HNMT: variants seen among roughly 807,000 people sequenced by gnomAD.
HNMT encodes the protein histamine N-methyltransferase.
A neutral mutation model predicts 32.1 loss-of-function variants in HNMT; 30 were observed. That is an observed-to-expected ratio of 0.93 (90% CI 0.70 to 1.27). The LOEUF is 1.27. HNMT is among the 50% of genes most tolerant of loss of function. The probability of loss-of-function intolerance (pLI) is 0.00; values close to 1 mark genes in which losing one functional copy is unlikely to be tolerated. For missense variants in HNMT, 327 were observed against 346.0 expected (o/e 0.95, Z 0.43); for synonymous variants, 125 against 119.0 (o/e 1.05, Z -0.33).
intron 2 of HNMT, chr2:137,981,339 T>A: frequency 6.2e-7 from 1 of 1,613,368 alleles, no homozygotes; most frequent in South Asian, 1.1e-5. Context: ...GAGTTGCCAT[T>A]TGGAGCTGCC....
intron 2 of HNMT, among the ~76,000 whole-genome samples, chr2:137,995,063 C>G (rs1041861035): frequency 6.6e-6 from 1 of 152,084 alleles, no homozygotes; most frequent in Non-Finnish European, 1.5e-5. Flanking sequence ...CATCAGAAAG[C>G]CTGAAGATCT....
intron 2 of HNMT, among the ~76,000 whole-genome samples, chr2:137,997,339 C>T (rs951771920): frequency 4.0e-4 from 61 of 151,476 alleles, no homozygotes; most frequent in Admixed American, 3.8e-3. Context: ...AAAAAAAAGC[C>T]ACCCCATCAA....
intron 2 of HNMT, among the ~76,000 whole-genome samples, chr2:137,996,551 C>T (rs1397594267): frequency 3.3e-5 from 5 of 152,090 alleles, no homozygotes; most frequent in Non-Finnish European, 5.9e-5. Context: ...AACATTCCAT[C>T]CTCATGGATA....
At chr2:137,969,483 C>G (rs1267516873) in intron 1 of HNMT, among the ~76,000 whole-genome samples, 1 of 152,128 alleles carries the variant, frequency 6.6e-6, no homozygotes, top group Non-Finnish European at 1.5e-5. Flanking sequence ...TCTCAGCTTC[C>G]TTTTTGGCAT....
In HNMT at chr2:137,999,799, A is replaced by G. The variant is rs144492840; in HGVS notation, c.191-1119A>G. Among the ~76,000 whole-genome samples, 16 of 152,296 alleles carry G rather than the reference A, an allele frequency of 1.1e-4. No homozygotes were observed. The East Asian group carries it at 2.9e-3, about 28-fold the overall frequency. ...ATGTACTCAAGATAACAATAAAAAT[A>G]ATGAACAGCTAACATTTATTCACTG... On this transcript the variant is annotated intron_variant, in intron 2 of 5. Coordinates refer to ENST00000280097, the MANE Select transcript of HNMT (RefSeq NM_006895.3).
chr2:138,008,523 C>A (rs2604466), intron 5 of HNMT, among the ~76,000 whole-genome samples: 1 of 151,488 alleles, frequency 6.6e-6, no homozygotes, highest in African/African-American at 2.4e-5. Context: ...GTTTCCAAAC[C>A]ATACTATAGG....
chr2:137,987,167 C>T (rs1164440443), intron 2 of HNMT, among the ~76,000 whole-genome samples: 1 of 152,064 alleles, frequency 6.6e-6, no homozygotes, highest in Non-Finnish European at 1.5e-5. Flanking sequence ...ACCCAAACAG[C>T]TGTTGGTGTG....
At position 137,990,231 on chromosome 2, in the gene HNMT, T is replaced by C. The variant is rs551357194; in HGVS notation, c.191-10687T>C. Among the ~76,000 whole-genome samples, 38 of 152,320 alleles carry C rather than the reference T, an allele frequency of 2.5e-4. No homozygotes were observed. In the East Asian group the frequency reaches 6.7e-3, roughly 27 times the overall value. ...TTACAGTTTTATGTTTTACACATAG[T>C]TCTATGATTCATTTTGAGTTAATTT... On this transcript the variant is annotated intron_variant, in intron 2 of 5. Coordinates refer to ENST00000280097, the MANE Select transcript of HNMT (RefSeq NM_006895.3).
chr2:137,990,499 G>T (rs1680785796), intron 2 of HNMT, among the ~76,000 whole-genome samples: 1 of 152,064 alleles, frequency 6.6e-6, no homozygotes, highest in African/African-American at 2.4e-5. Flanking sequence ...TTTATAGTAA[G>T]TCTTGAAGTC....
At chr2:138,003,084 TGG>T (rs35706330) in intron 4 of HNMT, among the ~76,000 whole-genome samples, 21,914 of 90,860 alleles carry the variant, frequency 0.24, 2,651 homozygotes, top group Admixed American at 0.39. Context: ...GGGTCTGTTG[TGG>T]GGTGGGGGGA....
At chr2:137,971,817 C>T (rs1680145378) in intron 2 of HNMT, among the ~76,000 whole-genome samples, 1 of 151,774 alleles carries the variant, frequency 6.6e-6, no homozygotes, top group African/African-American at 2.4e-5. Context: ...ATTTTTAAGT[C>T]ATCTGGAAGT....
At position 138,014,297 on chromosome 2, in the gene HNMT, A is replaced by G. The variant is rs759752933; in HGVS notation, c.*167A>G. The G allele has an allele frequency of 1.7e-5, 10 of 580,728 alleles. No homozygotes were observed. The highest frequency in any genetic ancestry group is 2.7e-5 in the Non-Finnish European group (9 of 329,906). 36.0% of individuals were successfully genotyped at this position (580,728 alleles called of 1,614,324 possible). A position where few individuals can be genotyped will look rare whatever the true frequency, so the allele number is the denominator to read the frequency against. ...TTATTGGACTTCCATTTGGAATCAT[A>G]TGGGATACTGCTGGTCTTATCCTGT... is the stretch of plus-strand genomic sequence containing the variant. On this transcript the variant is annotated 3_prime_UTR_variant, in exon 6 of 6. Transcript: ENST00000280097.
intron 2 of HNMT, among the ~76,000 whole-genome samples, chr2:137,995,219 A>G (rs530576294): frequency 3.9e-5 from 6 of 152,236 alleles, no homozygotes; most frequent in Admixed American, 1.3e-4. Flanking sequence ...AAAAAAATCA[A>G]TGAGTCCAGG....
chr2:137,970,702 C>T (rs1490368875), intron 2 of HNMT, among the ~76,000 whole-genome samples: 2 of 151,930 alleles, frequency 1.3e-5, no homozygotes, highest in Admixed American at 6.6e-5. Context: ...GGGCGGATCA[C>T]GAGGTCAGGA....
intron 5 of HNMT, among the ~76,000 whole-genome samples, chr2:138,007,950 G>T (rs907855957): frequency 6.6e-6 from 1 of 151,796 alleles, no homozygotes; most frequent in Non-Finnish European, 1.5e-5. Flanking sequence ...TCTTAGTTCA[G>T]TGCTAAGATG....
rs534142508 is a variant in HNMT at position 137,998,164 on chromosome 2, T to C, written c.191-2754T>C. Among the ~76,000 whole-genome samples, 18 of 152,222 alleles carry C rather than the reference T, an allele frequency of 1.2e-4. 1 individual carries two copies. In the East Asian group the frequency reaches 3.3e-3, roughly 28 times the overall value. On this transcript the variant is annotated intron_variant, in intron 2 of 5. Coordinates refer to ENST00000280097, the MANE Select transcript of HNMT (RefSeq NM_006895.3). The stretch of plus-strand genomic sequence containing the variant: ...AGAAGAAATAAAAAAAAGCACAGAA[T>C]GTAATCGCCTATGAGCACAGTGGTA...
chr2:137,967,311 G>C, intron 1 of HNMT: 1 of 541,792 alleles, frequency 1.8e-6, no homozygotes. Context: ...GCTGAAGTGG[G>C]AAGATCACTT....
intron 5 of HNMT, among the ~76,000 whole-genome samples, chr2:138,007,560 C>T (rs1681366650): frequency 1.3e-5 from 2 of 152,014 alleles, no homozygotes; most frequent in South Asian, 4.2e-4. Flanking sequence ...CTTGGGTAAT[C>T]CATCCCCTCA....
At position 137,964,520 on chromosome 2, in the gene HNMT, C is replaced by G. The variant is rs1235158656; in HGVS notation, c.29C>G (p.Ser10Cys). The G allele has an allele frequency of 6.2e-7, 1 of 1,613,756 alleles. No individual in the cohort carries two copies. Among genetic ancestry groups the G allele is most frequent in the South Asian group, 1.1e-5 (1 of 91,068 alleles). Reference protein sequence around the residue: MASSMRSLFSDHGKYVESFR... With the variant: MASSMRSLFCDHGKYVESFR... Reference sequence around the variant, plus strand: ...GCATCTTCCATGAGGAGCTTGTTTTCTGACCACGGGAAATATGTTGAATCT... The same window carrying G: ...GCATCTTCCATGAGGAGCTTGTTTTGTGACCACGGGAAATATGTTGAATCT... The change falls in exon 1 of 6, where the codon TCT (serine) becomes TGT (cysteine). Residue 10 changes from serine (S) to cysteine (C), a missense_variant. Physicochemically the swap from Ser to Cys is moderately radical, Grantham distance 112 (BLOSUM62 -1). Coordinates refer to ENST00000280097, the MANE Select transcript of HNMT (RefSeq NM_006895.3).
Sources: gnomAD v4.1 joint callset for allele counts (sites outside exome capture counted in the v4.1 genomes callset) on GRCh38, gnomAD v4.1.1 for gene constraint, MANE v1.5 for transcripts, NCBI Gene and HGNC (gene_info 2026-07-23, HGNC 2026-07-21) for gene names.